The following PFKP variants were observed in gnomAD, a reference collection of about 807,000 sequenced individuals.
The protein encoded by PFKP is ATP-dependent 6-phosphofructokinase, platelet type.
Under a neutral mutation model 94.3 loss-of-function variants are expected in PFKP, and 101 were observed. The ratio of observed to expected loss-of-function variants is 1.07; its 90% confidence interval spans 0.91 to 1.26. The LOEUF is 1.26. Ranked by LOEUF, PFKP falls within the 50% of genes most tolerant of loss-of-function variation. PFKP has a pLI of 0.00. For synonymous variants in PFKP, 573 were observed against 432.6 expected (o/e 1.32, Z -4.03); for missense variants, 1,145 against 1,103.3 (o/e 1.04, Z -0.53).
chr10:3,133,645 G>A (rs1838866956), intron 19 of PFKP, among the ~76,000 whole-genome samples: 1 of 149,544 alleles, frequency 6.7e-6, no homozygotes, highest in South Asian at 2.1e-4. Context: ...TGGCCAGGCT[G>A]GTCTCAAACT....
At chr10:3,134,657 G>T (rs148466547) in intron 20 of PFKP, 75 bp downstream of exon 20, 1 of 930,706 alleles carries the variant, frequency 1.1e-6, no homozygotes, top group Non-Finnish European at 1.8e-6. Flanking sequence ...CTGTCCTATC[G>T]GGGAGAAGTA....
chr10:3,104,805 C>G (rs1476246131), intron 5 of PFKP: 1 of 455,692 alleles, frequency 2.2e-6, no homozygotes, highest in Non-Finnish European at 3.9e-6. Context: ...GGGAAAGAGC[C>G]CAGCACGGGG....
At chr10:3,126,396 G>A (rs1837951008) in intron 16 of PFKP, among the ~76,000 whole-genome samples, 1 of 152,190 alleles carries the variant, frequency 6.6e-6, no homozygotes, top group Admixed American at 6.5e-5. Flanking sequence ...ACCCCTGTTG[G>A]GTGAATGCCA....
At position 3,074,430 on chromosome 10, in the gene PFKP, G is replaced by C. The variant is rs185964613; in HGVS notation, c.112+6723G>C. 1.0e-3 allele frequency among the ~76,000 whole-genome samples: 153 copies of C among 152,350 alleles called. 1 individual carries two copies. Among genetic ancestry groups the C allele is most frequent in the African/African-American group, 3.5e-3 (147 of 41,578 alleles). On this transcript the variant is annotated intron_variant, in intron 1 of 21. Coordinates refer to ENST00000381125, the MANE Select transcript of PFKP (RefSeq NM_002627.5). ...TTTGGCTTTGCCTTGGGTGAACTGG[G>C]AAGCAGGTGGAGGGAAGCAGACTGA...
intron 2 of PFKP, among the ~76,000 whole-genome samples, chr10:3,096,285 G>T (rs56882221): frequency 0.38 from 57,943 of 151,966 alleles, 11,035 homozygotes; most frequent in Middle Eastern, 0.44. Context: ...TTGACTCCTG[G>T]GCCTGAGACG....
At chr10:3,079,869 G>A (rs1032013782) in intron 1 of PFKP, among the ~76,000 whole-genome samples, 2 of 152,180 alleles carry the variant, frequency 1.3e-5, no homozygotes, top group African/African-American at 2.4e-5. Flanking sequence ...CCAGCCATGG[G>A]AGAGATGAGC....
At position 3,129,830 on chromosome 10, in the gene PFKP, C is replaced by T. The variant is rs565389130; in HGVS notation, c.1695C>T (p.Arg565=). 1.5e-4 allele frequency: 248 copies of T among 1,613,518 alleles called. 4 individuals are homozygous for T. In the South Asian group the frequency reaches 2.1e-3, roughly 14 times the overall value. The change falls in exon 17 of 22, where the codon CGC becomes CGT. Residue 565 remains arginine, a synonymous_variant. Coordinates refer to ENST00000381125, the MANE Select transcript of PFKP (RefSeq NM_002627.5). The part of the protein sequence containing the change: ...ALNTITDTCD[R]IKQSASGTKR... ...TTCTCTGTGACCAGACCTGCGACCG[C>T]ATCAAGCAGTCCGCCAGCGGAACCA...
rs1292079485 is a variant in PFKP at position 3,107,279 on chromosome 10, T to G, written c.840T>G (p.Asn280Lys). The change falls in exon 8 of 22, where the codon AAT becomes AAG. Residue 280 changes from asparagine to lysine, a missense_variant. This residue lies in a region of PFKP where 1,119 missense variants were observed against 1,062.8 expected (regional missense o/e 1.05). Coordinates refer to ENST00000381125, the MANE Select transcript of PFKP (RefSeq NM_002627.5). ...IVAEGAIDTQ[N>K]KPITSEKIKE... ...CTGAAGGAGCAATTGATACCCAAAATAAACCCATCACCTCTGAGAAAATCA... is the reference window on the plus strand; with the variant it reads ...CTGAAGGAGCAATTGATACCCAAAAGAAACCCATCACCTCTGAGAAAATCA... The G allele has an allele frequency of 6.2e-7, 1 of 1,610,960 alleles. No homozygotes were observed. Among genetic ancestry groups the G allele is most frequent in the South Asian group, 1.1e-5 (1 of 91,008 alleles).
chr10:3,098,678 A>AAAAAAAAAAAAAAAAAAAAAAAAAAAAC (rs1834703527), intron 2 of PFKP, among the ~76,000 whole-genome samples: 1 of 151,170 alleles, frequency 6.6e-6, no homozygotes, highest in African/African-American at 2.4e-5. Context: ...GTCTCAAAAA[A>AAAAAAAAAAAAAAAAAAAAAAAAAAAAC]AAAAAAAAAA....
At chr10:3,117,367 AT>A (rs998691897) in intron 14 of PFKP, among the ~76,000 whole-genome samples, 2 of 152,174 alleles carry the variant, frequency 1.3e-5, no homozygotes, top group African/African-American at 2.4e-5. Context: ...GGACAATGGG[AT>A]TTCCTAATGT....
At chr10:3,133,338 G>C in intron 19 of PFKP, 24 bp downstream of exon 19, 1 of 1,402,328 alleles carries the variant, frequency 7.1e-7, no homozygotes. Context: ...TGCATGAGGG[G>C]CCACAAAGCC....
chr10:3,089,436 C>G (rs916285982), intron 2 of PFKP, among the ~76,000 whole-genome samples: 9 of 151,800 alleles, frequency 5.9e-5, no homozygotes, highest in African/African-American at 2.2e-4. Flanking sequence ...CTCTTTCTGC[C>G]GATTCCCTTT....
intron 20 of PFKP, among the ~76,000 whole-genome samples, chr10:3,134,794 CTT>C (rs1426326817): frequency 1.3e-5 from 2 of 152,226 alleles, no homozygotes; most frequent in African/African-American, 2.4e-5. Context: ...GACATGTTCT[CTT>C]TTATCACTGC....
intron 2 of PFKP, among the ~76,000 whole-genome samples, chr10:3,097,194 A>G (rs1445588157): frequency 6.6e-6 from 1 of 151,334 alleles, no homozygotes; most frequent in Admixed American, 6.6e-5. Flanking sequence ...CTACCTACCT[A>G]TTGTACTTAC....
intron 8 of PFKP, among the ~76,000 whole-genome samples, chr10:3,108,406 A>G: frequency 6.6e-6 from 1 of 152,226 alleles, no homozygotes; most frequent in Admixed American, 6.5e-5. Flanking sequence ...AAGCTACTGA[A>G]ACGTTACTTT....
chr10:3,076,303 G>C (rs1380230127), intron 1 of PFKP, among the ~76,000 whole-genome samples: 4 of 152,074 alleles, frequency 2.6e-5, no homozygotes, highest in Admixed American at 2.6e-4. Flanking sequence ...TTTTGCGAAG[G>C]CTCTGAGGGA....
At chr10:3,093,015 G>C (rs1834172804) in intron 2 of PFKP, among the ~76,000 whole-genome samples, 1 of 150,746 alleles carries the variant, frequency 6.6e-6, no homozygotes, top group South Asian at 2.1e-4. Flanking sequence ...CTGCTCCTGG[G>C]ATGTGTGGAA....
intron 20 of PFKP, among the ~76,000 whole-genome samples, chr10:3,134,930 T>C (rs1839053021): frequency 6.6e-6 from 1 of 152,226 alleles, no homozygotes; most frequent in African/African-American, 2.4e-5. Flanking sequence ...TAGGACAACC[T>C]CCTTGTGACT....
chr10:3,134,040 T>C (rs1489510280), intron 19 of PFKP, among the ~76,000 whole-genome samples: 2 of 152,178 alleles, frequency 1.3e-5, no homozygotes, highest in South Asian at 2.1e-4. Context: ...CCAGGCCTCC[T>C]AACTTGCACA....
Sources: gnomAD v4.1 joint callset for allele counts (sites outside exome capture counted in the v4.1 genomes callset) on GRCh38, gnomAD v4.1.1 for gene constraint, gnomAD v4.1.1 regional missense constraint, MANE v1.5 for transcripts, NCBI Gene and HGNC (gene_info 2026-07-23, HGNC 2026-07-21) for gene names.